ZNF365: variants seen among roughly 807,000 people sequenced by gnomAD.
The protein encoded by ZNF365 is zinc finger protein 365.
Under a neutral mutation model 35.0 loss-of-function variants are expected in ZNF365, and 22 were observed. The ratio of observed to expected loss-of-function variants is 0.63; its 90% CI spans 0.45 to 0.90. The LOEUF (loss-of-function observed/expected upper bound fraction) is 0.90. Ranked by LOEUF, ZNF365 falls within the 40% of genes least tolerant of loss-of-function variation. ZNF365 has a pLI of 0.00. For missense variants in ZNF365, 448 were observed against 500.3 expected, an observed-to-expected ratio of 0.90 and a Z score of 1.00; for synonymous variants, 188 against 196.2, an observed-to-expected ratio of 0.96 and a Z score of 0.35.
At chr10:62,445,726 A>G (rs944010069) in intron 3 of ZNF365, among the ~76,000 whole-genome samples, 1 of 152,200 alleles carries the variant, frequency 6.6e-6, no homozygotes, top group Non-Finnish European at 1.5e-5. Context: ...TATGTTTGAA[A>G]GTTTTCGCTA....
At chr10:62,463,652 G>T (rs889366710) in intron 4 of ZNF365, among the ~76,000 whole-genome samples, 33 of 152,344 alleles carry the variant, frequency 2.2e-4, no homozygotes, top group African/African-American at 7.2e-4. Context: ...AAACTTTAAA[G>T]ATGGTAAATA....
downstream of ZNF365, among the ~76,000 whole-genome samples, chr10:62,407,139 C>T (rs1242750948): frequency 6.6e-6 from 1 of 152,196 alleles, no homozygotes. Context: ...GCCATTCCTA[C>T]AAACTTTATA....
chr10:62,446,362 T>C (rs1281564158), intron 3 of ZNF365, among the ~76,000 whole-genome samples: 3 of 152,340 alleles, frequency 2.0e-5, no homozygotes, highest in South Asian at 4.1e-4. Flanking sequence ...GTTCAACTTC[T>C]GTATGCCCCA....
At chr10:62,431,666 A>G (rs940077517) in intron 3 of ZNF365, among the ~76,000 whole-genome samples, 3 of 152,194 alleles carry the variant, frequency 2.0e-5, no homozygotes, top group Non-Finnish European at 4.4e-5. Context: ...AAGGGTTTGC[A>G]CAACAAAATA....
chr10:62,446,820 G>A (rs569444953), intron 3 of ZNF365, among the ~76,000 whole-genome samples: 1 of 152,152 alleles, frequency 6.6e-6, no homozygotes, highest in African/African-American at 2.4e-5. Context: ...GCCTGGGACT[G>A]TCAGGAGCGG....
At chr10:62,407,808 G>A (rs1839927084) in intron 3 of ZNF365, among the ~76,000 whole-genome samples, 1 of 152,162 alleles carries the variant, frequency 6.6e-6, no homozygotes, top group Admixed American at 6.5e-5. Flanking sequence ...ATCCATGGTA[G>A]ACATTGCTAA....
intron 3 of ZNF365, among the ~76,000 whole-genome samples, chr10:62,416,119 T>C (rs1221947570): frequency 6.6e-6 from 1 of 152,146 alleles, no homozygotes; most frequent in African/African-American, 2.4e-5. Flanking sequence ...TGATTTCACC[T>C]TTGCATTCTA....
chr10:62,399,703 G>C lies in ZNF365; in HGVS notation c.1138G>C (p.Gly380Arg). 1 of 1,614,152 alleles carries C rather than the reference G, an allele frequency of 6.2e-7. No homozygotes were observed. Among genetic ancestry groups the C allele is most frequent in the Non-Finnish European group, 8.5e-7 (1 of 1,180,032 alleles). The change falls in exon 5 of 5, where the codon GGG becomes CGG. Residue 380 changes from glycine to arginine, a missense_variant. Gly to Arg is a moderately radical substitution (Grantham distance 125). This residue lies in a region of ZNF365 where 362 missense variants were observed against 375.7 expected (regional missense o/e 0.96). Coordinates refer to ENST00000395254, the MANE Select transcript of ZNF365 (RefSeq NM_014951.3). ...SRDLCRPPKK[G>R]ELLGFGRKGN... The stretch of plus-strand genomic sequence containing the variant: ...AGACCTCTGCAGACCTCCAAAGAAA[G>C]GGGAGCTCCTGGGGTTTGGCCGCAA...
intron 4 of ZNF365, among the ~76,000 whole-genome samples, 176 bp from the exon 5 acceptor site, chr10:62,399,352 G>A (rs941643307): frequency 3.3e-5 from 5 of 151,976 alleles, no homozygotes; most frequent in African/African-American, 7.3e-5. Context: ...TTTTCATGGC[G>A]ACCACAGGAA....
At position 62,401,295 on chromosome 10, in the gene ZNF365, A is replaced by T; in HGVS notation, c.*1506A>T. ...CTCTTATTTAAAAAATCAAAACTGT[A>T]ACGTAATTAACATTGGCAGAATTAT... On this transcript the variant is annotated 3_prime_UTR_variant, in exon 5 of 5. Transcript: ENST00000395254. The T allele has an allele frequency of 2.0e-6, 2 of 985,488 alleles. No individual in the cohort carries two copies. The highest frequency in any genetic ancestry group is 2.4e-6 in the Non-Finnish European group (2 of 829,882). The allele number at this position is 985,488 out of a possible 1,614,324, so 61.0% of individuals were successfully genotyped here. A position where few individuals can be genotyped will look rare whatever the true frequency, so the allele number is the denominator to read the frequency against.
intron 4 of ZNF365, among the ~76,000 whole-genome samples, chr10:62,472,910 A>C (rs562113921): frequency 6.6e-6 from 1 of 152,332 alleles, no homozygotes; most frequent in East Asian, 1.9e-4. Flanking sequence ...CTTAGGGTGA[A>C]AACAGAGTCT....
At chr10:62,396,995 A>G (rs1839738772) in intron 3 of ZNF365, among the ~76,000 whole-genome samples, 2 of 152,366 alleles carry the variant, frequency 1.3e-5, no homozygotes, top group South Asian at 4.1e-4. Flanking sequence ...GCTGAGAAAT[A>G]CTTATTGGTG....
intron 4 of ZNF365, 54 bp from the exon 5 acceptor site, chr10:62,399,474 G>T: frequency 6.3e-7 from 1 of 1,589,134 alleles, no homozygotes; most frequent in East Asian, 2.2e-5. Context: ...AGGTTTTAAA[G>T]AAATCTTTCT....
chr10:62,388,518 T>C lies in ZNF365; in HGVS notation c.866T>C (p.Leu289Pro), dbSNP rs1216480881. The change falls in exon 3 of 5, where the codon CTT becomes CCT. Residue 289 changes from leucine (L) to proline (P), a missense_variant. Transcript: ENST00000395254. The part of the protein sequence containing the change: ...LQRVELAEKQ[L>P]EYYQSQQASG... ...CGGGTAGAACTGGCGGAGAAGCAGCTTGAGTACTATCAGAGCCAGCAGGCC... is the reference window on the plus strand; with the variant it reads ...CGGGTAGAACTGGCGGAGAAGCAGCCTGAGTACTATCAGAGCCAGCAGGCC... 1 of 1,614,162 alleles carries C rather than the reference T, an allele frequency of 6.2e-7. No homozygotes were observed. The highest frequency in any genetic ancestry group is 2.2e-5 in the East Asian group (1 of 44,886).
intron 4 of ZNF365, among the ~76,000 whole-genome samples, chr10:62,460,118 A>G (rs539288367): frequency 2.6e-5 from 4 of 152,168 alleles, no homozygotes; most frequent in Admixed American, 6.5e-5. Context: ...GAGAGGGGCC[A>G]TATCACTGGG....
chr10:62,465,025 C>T (rs1840915464), intron 4 of ZNF365, among the ~76,000 whole-genome samples: 1 of 152,228 alleles, frequency 6.6e-6, no homozygotes, highest in South Asian at 2.1e-4. Flanking sequence ...GCAGATGCAG[C>T]TGCCCAGCCA....
At chr10:62,479,984 C>T in exon 5 of ZNF365, 1 of 1,588,304 alleles carries the variant, frequency 6.3e-7, no homozygotes, top group South Asian at 1.1e-5. Flanking sequence ...ATTCATTCAA[C>T]AAATATTTAT....
rs1329076747 is a variant in ZNF365, at chr10:62,467,818, A to G, written c.981+8021A>G. On this transcript the variant is annotated intron_variant, in intron 4 of 4. Transcript: ENST00000395255. Reference sequence around the variant, plus strand: ...CTTAAATAAGGAAAGTTCCTGAATGATCAAGTATCTATTGTAACTGTGGCA... The same window carrying G: ...CTTAAATAAGGAAAGTTCCTGAATGGTCAAGTATCTATTGTAACTGTGGCA... Among the ~76,000 whole-genome samples the G allele has an allele frequency of 2.0e-5, 3 of 152,136 alleles. No individual in the cohort carries two copies. In the East Asian group the frequency reaches 5.8e-4, roughly 29 times the overall value.
chr10:62,414,088 G>A (rs533371708), intron 3 of ZNF365, among the ~76,000 whole-genome samples: 1 of 152,250 alleles, frequency 6.6e-6, no homozygotes, highest in East Asian at 1.9e-4. Flanking sequence ...ATATAATAGA[G>A]AAGAAATGCT....
Sources: gnomAD v4.1 joint callset for allele counts (sites outside exome capture counted in the v4.1 genomes callset) on GRCh38, gnomAD v4.1.1 for gene constraint, gnomAD v4.1.1 regional missense constraint, MANE v1.5 for transcripts, NCBI Gene and HGNC (gene_info 2026-07-23, HGNC 2026-07-21) for gene names.